FAT3: variants seen among roughly 807,000 people sequenced by gnomAD.
FAT3 encodes the protein FAT atypical cadherin 3.
In FAT3, 95 loss-of-function variants were observed where a neutral mutation model predicts 310.2. That is an observed-to-expected ratio of 0.31 (90% CI 0.26 to 0.36). The LOEUF (loss-of-function observed/expected upper bound fraction) is 0.36. Among genes scored for constraint, FAT3 ranks in the 10% least tolerant of loss-of-function variants. FAT3 has a pLI of 1.00. For synonymous variants in FAT3, 2,314 were observed against 2,192.9 expected (o/e 1.06, Z -1.54); for missense variants, 5,408 against 5,715.6 (o/e 0.95, Z 1.74).
At chr11:92,854,383 G>T (rs1210865136) in intron 19 of FAT3, among the ~76,000 whole-genome samples, 1 of 152,104 alleles carries the variant, frequency 6.6e-6, no homozygotes, top group African/African-American at 2.4e-5. Flanking sequence ...GCCCAGGAGT[G>T]CAGGGTTCAC....
chr11:92,353,908 C>T lies in FAT3; in HGVS notation c.1796C>T (p.Ala599Val). 3.1e-6 allele frequency: 5 copies of T among 1,612,536 alleles called. No homozygotes were observed. Among genetic ancestry groups the T allele is most frequent in the Non-Finnish European group, 3.4e-6 (4 of 1,178,762 alleles). ...YDFPVGGHITAVSAIDIDELE... is the reference protein window; with the variant it reads ...YDFPVGGHITVVSAIDIDELE... ...TTTCCAGTTGGTGGTCACATCACAG[C>T]AGTCTCAGCGATCGATATCGATGAA... Residue 599 changes from alanine to valine, a missense_variant, in exon 2 of 28, where the codon GCA (alanine) becomes GTA (valine). Physicochemically the swap from Ala to Val is moderately conservative, Grantham distance 64. Around this residue, in one of 5 missense-constraint regions of FAT3, gnomAD observed 4,588 missense variants for 4,809.8 expected, o/e 0.95. Coordinates refer to ENST00000525166, the MANE Select transcript of FAT3 (RefSeq NM_001367949.2).
At chr11:92,765,632 G>GTT (rs368355693) in intron 6 of FAT3, among the ~76,000 whole-genome samples, 4 of 151,324 alleles carry the variant, frequency 2.6e-5, no homozygotes, top group Non-Finnish European at 5.9e-5. Context: ...GCCTTTTACG[G>GTT]TTTTTTTTTA....
At chr11:92,767,251 CAA>C (rs572259436) in intron 6 of FAT3, among the ~76,000 whole-genome samples, 33 of 58,860 alleles carry the variant, frequency 5.6e-4, no homozygotes, top group Admixed American at 1.2e-3. Flanking sequence ...GACTCTGTCT[CAA>C]AAAAAAAAAA....
chr11:92,858,276 G>A (rs938339621), intron 20 of FAT3, among the ~76,000 whole-genome samples: 4 of 152,188 alleles, frequency 2.6e-5, no homozygotes, highest in African/African-American at 7.2e-5. Flanking sequence ...CCTAAGTCAT[G>A]TAAGGCTTAG....
At chr11:92,742,612 G>GTTC (rs1945539149) in intron 4 of FAT3, among the ~76,000 whole-genome samples, 1 of 152,164 alleles carries the variant, frequency 6.6e-6, no homozygotes, top group Non-Finnish European at 1.5e-5. Flanking sequence ...TATCTCAGGA[G>GTTC]TGGGTTCTGG....
intron 7 of FAT3, among the ~76,000 whole-genome samples, chr11:92,783,610 C>A (rs1946813661): frequency 6.6e-6 from 1 of 151,400 alleles, no homozygotes. Context: ...AGTTTGAGAC[C>A]AGCCTGGGTA....
chr11:92,343,715 G>T (rs1177481732), intron 1 of FAT3, among the ~76,000 whole-genome samples: 2 of 152,164 alleles, frequency 1.3e-5, no homozygotes, highest in Admixed American at 6.5e-5. Context: ...CAGTCGAAAT[G>T]TGGGGATGTG....
chr11:92,288,229 A>C (rs536157226), intron 1 of FAT3, among the ~76,000 whole-genome samples: 33 of 152,298 alleles, frequency 2.2e-4, no homozygotes, highest in African/African-American at 7.7e-4. Flanking sequence ...TCACAAAAAA[A>C]CAAATCTAAA....
chr11:92,813,820 G>T (rs1947747611), intron 13 of FAT3, among the ~76,000 whole-genome samples: 1 of 152,090 alleles, frequency 6.6e-6, no homozygotes, highest in African/African-American at 2.4e-5. Flanking sequence ...AAACTTCTTT[G>T]GTTAAGCACA....
At chr11:92,591,059 C>T (rs1336725069) in intron 3 of FAT3, among the ~76,000 whole-genome samples, 3 of 152,038 alleles carry the variant, frequency 2.0e-5, no homozygotes, top group Non-Finnish European at 2.9e-5. Context: ...AAACTAATGG[C>T]CTGGAGGGTT....
At chr11:92,513,796 C>CGGAG (rs1953387414) in intron 2 of FAT3, among the ~76,000 whole-genome samples, 1 of 152,062 alleles carries the variant, frequency 6.6e-6, no homozygotes, top group Non-Finnish European at 1.5e-5. Context: ...TTTTTAATGG[C>CGGAG]CTCAGAGTCT....
chr11:92,300,041 T>C (rs1946954586), intron 1 of FAT3, among the ~76,000 whole-genome samples: 1 of 152,132 alleles, frequency 6.6e-6, no homozygotes, highest in African/African-American at 2.4e-5. Flanking sequence ...TGCTAGATGC[T>C]CATGATTCAA....
At chr11:92,413,914 A>G (rs2134940770) in intron 2 of FAT3, among the ~76,000 whole-genome samples, 1 of 152,190 alleles carries the variant, frequency 6.6e-6, no homozygotes, top group East Asian at 1.9e-4. Context: ...TTCTGCCCCT[A>G]ATTCTGGGAT....
intron 20 of FAT3, among the ~76,000 whole-genome samples, chr11:92,858,352 G>C (rs1949034804): frequency 6.6e-6 from 1 of 152,172 alleles, no homozygotes; most frequent in South Asian, 2.1e-4. Flanking sequence ...AGGTGGATGG[G>C]TAGGGGGATC....
intron 3 of FAT3, among the ~76,000 whole-genome samples, chr11:92,627,324 G>C (rs892939611): frequency 6.6e-6 from 1 of 152,300 alleles, no homozygotes; most frequent in African/African-American, 2.4e-5. Flanking sequence ...CATCAGGGAA[G>C]ATAAATACAA....
intron 1 of FAT3, among the ~76,000 whole-genome samples, chr11:92,325,560 G>C (rs1947741365): frequency 6.6e-6 from 1 of 152,144 alleles, no homozygotes; most frequent in African/African-American, 2.4e-5. Flanking sequence ...TTTGACGTGT[G>C]GCTAAAATTG....
intron 4 of FAT3, among the ~76,000 whole-genome samples, chr11:92,740,841 G>T (rs917149603): frequency 6.6e-6 from 1 of 151,996 alleles, no homozygotes; most frequent in Admixed American, 6.6e-5. Context: ...CATTTGATTG[G>T]TCAGTTTTAT....
chr11:92,292,811 G>C (rs1395686485), intron 1 of FAT3, among the ~76,000 whole-genome samples: 1 of 152,032 alleles, frequency 6.6e-6, no homozygotes, highest in Non-Finnish European at 1.5e-5. Flanking sequence ...ATTTTAAGAA[G>C]GGTAGAGTGA....
chr11:92,579,286 G>A (rs1476362595), intron 3 of FAT3, among the ~76,000 whole-genome samples: 1 of 152,036 alleles, frequency 6.6e-6, no homozygotes, highest in Admixed American at 6.6e-5. Context: ...AAAGCTGAAG[G>A]ATGAGAGAAA....
Sources: gnomAD v4.1 joint callset for allele counts (sites outside exome capture counted in the v4.1 genomes callset) on GRCh38, gnomAD v4.1.1 for gene constraint, gnomAD v4.1.1 regional missense constraint, MANE v1.5 for transcripts, NCBI Gene and HGNC (gene_info 2026-07-23, HGNC 2026-07-21) for gene names.